The following NKAIN3 variants were observed in gnomAD, a reference collection of about 807,000 sequenced individuals.
NKAIN3 encodes the protein sodium/potassium-transporting ATPase subunit beta-1-interacting protein 3.
In NKAIN3, 25 loss-of-function variants were observed where a neutral mutation model predicts 30.2. The observed-to-expected ratio is 0.83, with a 90% CI of 0.60 to 1.16. NKAIN3 has a LOEUF of 1.16. Among genes scored for constraint, NKAIN3 ranks in the 50% most tolerant of loss-of-function variants. The pLI is 0.00. For synonymous variants in NKAIN3, 91 were observed against 89.6 expected, an observed-to-expected ratio of 1.02 and a Z score of -0.09; for missense variants, 225 against 254.1, an observed-to-expected ratio of 0.89 and a Z score of 0.78.
At chr8:62,831,687 A>T (rs1424983473) in intron 4 of NKAIN3, among the ~76,000 whole-genome samples, 2 of 152,156 alleles carry the variant, frequency 1.3e-5, no homozygotes, top group South Asian at 2.1e-4. Flanking sequence ...AAAGAAAAAA[A>T]AATTTTAATG....
At chr8:62,680,681 T>A (rs1813619497) in intron 3 of NKAIN3, among the ~76,000 whole-genome samples, 1 of 152,134 alleles carries the variant, frequency 6.6e-6, no homozygotes, top group South Asian at 2.1e-4. Context: ...TAAAATTCAG[T>A]AAAGAAAAAT....
intron 5 of NKAIN3, among the ~76,000 whole-genome samples, chr8:62,933,521 G>A (rs1822686928): frequency 6.6e-6 from 1 of 152,112 alleles, no homozygotes; most frequent in Non-Finnish European, 1.5e-5. Context: ...CAAACTCTCA[G>A]GATTGTTTTA....
At chr8:62,531,328 C>A (rs537936832) in intron 1 of NKAIN3, among the ~76,000 whole-genome samples, 1 of 152,312 alleles carries the variant, frequency 6.6e-6, no homozygotes, top group South Asian at 2.1e-4. Context: ...AAACCCCACA[C>A]TCTACTAAAT....
At chr8:62,740,322 A>T (rs1036868885) in intron 3 of NKAIN3, among the ~76,000 whole-genome samples, 1 of 152,170 alleles carries the variant, frequency 6.6e-6, no homozygotes, top group Non-Finnish European at 1.5e-5. Flanking sequence ...TCTTAAGTAT[A>T]TATGGGCTTC....
intron 1 of NKAIN3, among the ~76,000 whole-genome samples, chr8:62,360,247 G>C (rs1347913610): frequency 6.6e-6 from 1 of 152,132 alleles, no homozygotes; most frequent in East Asian, 1.9e-4. Flanking sequence ...TGGATGGGCT[G>C]GTTACTGATT....
intron 1 of NKAIN3, among the ~76,000 whole-genome samples, chr8:62,349,976 T>C (rs1288498543): frequency 2.6e-5 from 4 of 152,228 alleles, no homozygotes; most frequent in Non-Finnish European, 4.4e-5. Context: ...TTTAATTTCA[T>C]GTGATCCAAG....
chr8:62,661,604 C>T (rs759123755), intron 3 of NKAIN3, among the ~76,000 whole-genome samples: 3 of 152,054 alleles, frequency 2.0e-5, no homozygotes, highest in African/African-American at 4.8e-5. Context: ...CCTGTTCCTC[C>T]CTCCCTCTCT....
Position 62,966,913 on chromosome 8 carries a change from A to G in NKAIN3, c.*1506A>G, listed in dbSNP as rs1180274295. Reference sequence around the variant, plus strand: ...TTCTTGTTCTTCTTTCGGAGCCTATAGGTTTCATGAGACTCTGTTAAGAAT... The same window carrying G: ...TTCTTGTTCTTCTTTCGGAGCCTATGGGTTTCATGAGACTCTGTTAAGAAT... On this transcript the variant is annotated 3_prime_UTR_variant, in exon 7 of 7. Coordinates refer to ENST00000623646, the MANE Select transcript of NKAIN3 (RefSeq NM_001304533.3). Among the ~76,000 whole-genome samples the G allele has an allele frequency of 1.3e-5, 2 of 152,160 alleles. No individual in the cohort carries two copies. Among genetic ancestry groups the G allele is most frequent in the African/African-American group, 4.8e-5 (2 of 41,436 alleles).
At chr8:62,632,893 T>C (rs949231289) in intron 3 of NKAIN3, among the ~76,000 whole-genome samples, 3 of 152,188 alleles carry the variant, frequency 2.0e-5, no homozygotes, top group Non-Finnish European at 4.4e-5. Flanking sequence ...AATAAAAATA[T>C]GCCCCTAAAA....
intron 1 of NKAIN3, among the ~76,000 whole-genome samples, chr8:62,317,756 G>A (rs1425882965): frequency 6.6e-6 from 1 of 152,206 alleles, no homozygotes; most frequent in African/African-American, 2.4e-5. Flanking sequence ...ACTTGGCAAT[G>A]TGGACTCTTT....
At chr8:62,711,903 G>T (rs1337427741) in intron 3 of NKAIN3, among the ~76,000 whole-genome samples, 1 of 152,214 alleles carries the variant, frequency 6.6e-6, no homozygotes, top group Non-Finnish European at 1.5e-5. Flanking sequence ...GAAGGCTGTT[G>T]TTCAGATTAT....
At chr8:62,310,049 C>A (rs908391338) in intron 1 of NKAIN3, among the ~76,000 whole-genome samples, 1 of 150,480 alleles carries the variant, frequency 6.6e-6, no homozygotes, top group Non-Finnish European at 1.5e-5. Flanking sequence ...ACAGTGTCAT[C>A]CTAGTGACCT....
chr8:62,720,004 G>A lies in NKAIN3; in HGVS notation c.274-26928G>A, dbSNP rs140015811. On this transcript the variant is annotated intron_variant, in intron 3 of 6. Coordinates refer to ENST00000623646, the MANE Select transcript of NKAIN3 (RefSeq NM_001304533.3). ...GAACTCCTGGCCTTGTGATCCGCCC[G>A]CCTCCGCCTGCCAAAGTGCTGGAAT... Among the ~76,000 whole-genome samples the A allele has an allele frequency of 5.3e-3, 806 of 151,910 alleles. 4 individuals carry two copies. The highest frequency in any genetic ancestry group is 0.018 in the African/African-American group (752 of 41,460).
intron 6 of NKAIN3, among the ~76,000 whole-genome samples, chr8:62,961,567 T>A (rs149657811): frequency 3.7e-4 from 56 of 152,298 alleles, no homozygotes; most frequent in African/African-American, 1.1e-3. Flanking sequence ...TGTGTATATG[T>A]GGTTTGCTTG....
At chr8:62,350,990 G>A (rs1344848703) in intron 1 of NKAIN3, among the ~76,000 whole-genome samples, 1 of 151,672 alleles carries the variant, frequency 6.6e-6, no homozygotes, top group South Asian at 2.1e-4. Flanking sequence ...GTGCCCAGCC[G>A]AGTAATGAGC....
At chr8:62,690,631 G>T (rs967285302) in intron 3 of NKAIN3, among the ~76,000 whole-genome samples, 1 of 152,160 alleles carries the variant, frequency 6.6e-6, no homozygotes, top group Non-Finnish European at 1.5e-5. Flanking sequence ...CAGAGGCTGG[G>T]TAAGTGGGAG....
At chr8:62,801,379 AGACT>A (rs1166306223) in intron 4 of NKAIN3, among the ~76,000 whole-genome samples, 4 of 152,210 alleles carry the variant, frequency 2.6e-5, no homozygotes, top group African/African-American at 4.8e-5. Flanking sequence ...CGATAGGGGC[AGACT>A]GACACCTCAC....
chr8:62,725,153 T>C (rs1374209538), intron 3 of NKAIN3, among the ~76,000 whole-genome samples: 2 of 152,170 alleles, frequency 1.3e-5, no homozygotes, highest in African/African-American at 4.8e-5. Flanking sequence ...CACCTCTTAA[T>C]GTATCTGTTT....
At chr8:62,866,881 C>T (rs906166559) in intron 4 of NKAIN3, among the ~76,000 whole-genome samples, 56 of 59,044 alleles carry the variant, frequency 9.5e-4, no homozygotes, top group African/African-American at 4.3e-3. Context: ...CCCGTCTCTA[C>T]TAAAAATACA....
Sources: gnomAD v4.1 joint callset for allele counts (sites outside exome capture counted in the v4.1 genomes callset) on GRCh38, gnomAD v4.1.1 for gene constraint, MANE v1.5 for transcripts, NCBI Gene and HGNC (gene_info 2026-07-23, HGNC 2026-07-21) for gene names.